The following RYR2 variants were observed in gnomAD, a reference collection of about 807,000 sequenced individuals.
RYR2 encodes ryanodine receptor 2.
A neutral mutation model predicts 601.1 loss-of-function variants in RYR2; 227 were observed. That is an observed-to-expected ratio of 0.38 (90% confidence interval 0.34 to 0.42). The LOEUF is 0.42. Among genes scored for constraint, RYR2 ranks in the 10% least tolerant of loss-of-function variants. RYR2 has a pLI of 1.00. For synonymous variants in RYR2, 2,223 were observed against 2,175.1 expected (o/e 1.02, Z -0.61); for missense variants, 4,646 against 6,156.5 (o/e 0.75, Z 8.21).
chr1:237,409,672 G>A (rs968359549), intron 10 of RYR2, among the ~76,000 whole-genome samples: 2 of 152,068 alleles, frequency 1.3e-5, no homozygotes, highest in Non-Finnish European at 2.9e-5. Context: ...GTATATCACA[G>A]AAATTCTATG....
chr1:237,750,077 C>T (rs1376657921), intron 80 of RYR2, among the ~76,000 whole-genome samples: 3 of 152,074 alleles, frequency 2.0e-5, no homozygotes, highest in South Asian at 2.1e-4. Context: ...ACCCAGGAGG[C>T]GGAGGTTGCA....
At chr1:237,597,293 T>G (rs1301911570) in intron 34 of RYR2, among the ~76,000 whole-genome samples, 2 of 140,316 alleles carry the variant, frequency 1.4e-5, no homozygotes, top group East Asian at 2.0e-4. Context: ...AAGTCCAGAG[T>G]ATTTTTTTTT....
At chr1:237,299,237 C>T (rs1693115575) in intron 2 of RYR2, among the ~76,000 whole-genome samples, 1 of 151,072 alleles carries the variant, frequency 6.6e-6, no homozygotes, top group African/African-American at 2.4e-5. Context: ...TTTCTTTTCC[C>T]TCTTCTTTAT....
At chr1:237,048,854 A>C (rs1412247188) in intron 1 of RYR2, among the ~76,000 whole-genome samples, 4 of 152,300 alleles carry the variant, frequency 2.6e-5, no homozygotes, top group South Asian at 4.1e-4. Flanking sequence ...TCGGGACAAG[A>C]GAAAGGATCC....
chr1:237,662,945 CTTA>C (rs1290981215), intron 56 of RYR2, among the ~76,000 whole-genome samples: 1 of 152,122 alleles, frequency 6.6e-6, no homozygotes, highest in Non-Finnish European at 1.5e-5. Flanking sequence ...AGTGTGAATT[CTTA>C]TTGTTACTAT....
intron 2 of RYR2, among the ~76,000 whole-genome samples, chr1:237,302,692 G>A (rs1330111775): frequency 6.6e-6 from 1 of 152,186 alleles, no homozygotes; most frequent in African/African-American, 2.4e-5. Context: ...GACAGACATG[G>A]AAGCCAGAAT....
intron 1 of RYR2, among the ~76,000 whole-genome samples, chr1:237,221,855 G>A (rs533941620): frequency 6.6e-6 from 1 of 152,216 alleles, no homozygotes; most frequent in African/African-American, 2.4e-5. Flanking sequence ...CCTAGGGAAG[G>A]CTGTGTTGGC....
chr1:237,103,524 A>G (rs538313096), intron 1 of RYR2, among the ~76,000 whole-genome samples: 1 of 152,274 alleles, frequency 6.6e-6, no homozygotes, highest in East Asian at 1.9e-4. Flanking sequence ...CCTTCTGACC[A>G]CCACCTTCCT....
At position 237,667,969 on chromosome 1, in the gene RYR2, C is replaced by G. The variant is rs553024989; in HGVS notation, c.8590+11C>G. 3 of 1,547,668 alleles carry G rather than the reference C, an allele frequency of 1.9e-6. No homozygotes were observed. The highest frequency in any genetic ancestry group is 1.7e-6 in the Non-Finnish European group (2 of 1,144,684). ...AGTTGGAGTCCAAAGGTAATATTTT[C>G]TAAAAACGTTTATTAAAAAATAATC... On this transcript the variant is annotated intron_variant, in intron 58 of 104. Transcript: ENST00000366574.
chr1:237,536,714 CAAAAAA>C (rs71561885), intron 25 of RYR2, among the ~76,000 whole-genome samples: 1 of 54,420 alleles, frequency 1.8e-5, no homozygotes, highest in African/African-American at 7.6e-5. Flanking sequence ...GATTCCGTCT[CAAAAAA>C]AAAAAAAAAA....
chr1:237,192,634 C>A (rs1216521701), intron 1 of RYR2, among the ~76,000 whole-genome samples: 1 of 152,168 alleles, frequency 6.6e-6, no homozygotes, highest in Admixed American at 6.5e-5. Context: ...AAGGCATTGC[C>A]TTTACACAGG....
rs1442886800 is a variant in RYR2 at position 237,828,543 on chromosome 1, G to A, written c.14655+98G>A. The A allele has an allele frequency of 1.7e-5, 13 of 778,896 alleles. 1 individual carries two copies. The highest frequency in any genetic ancestry group is 2.5e-5 in the Admixed American group (1 of 40,058). The allele number at this position is 778,896 out of a possible 1,614,324, so 48.2% of individuals were successfully genotyped here. A position where few individuals can be genotyped will look rare whatever the true frequency, so the allele number is the denominator to read the frequency against. On this transcript the variant is annotated intron_variant, in intron 102 of 104. Coordinates refer to ENST00000366574, the MANE Select transcript of RYR2 (RefSeq NM_001035.3). ...AGAATCATGAATGTGGGAAGGAGGA[G>A]GGGGAAGGGCACAACTTGTGGTTTC...
chr1:237,238,555 G>T (rs1273464284), intron 1 of RYR2, among the ~76,000 whole-genome samples: 2 of 152,154 alleles, frequency 1.3e-5, no homozygotes, highest in Non-Finnish European at 2.9e-5. Flanking sequence ...TACAGAGCTT[G>T]ACTCTGCTAA....
chr1:237,153,272 G>A (rs760894939), intron 1 of RYR2, among the ~76,000 whole-genome samples: 1 of 152,170 alleles, frequency 6.6e-6, no homozygotes, highest in African/African-American at 2.4e-5. Context: ...AAGAATTAAA[G>A]GTTTCTAGTG....
chr1:237,494,266 C>T (rs929025948), intron 19 of RYR2, among the ~76,000 whole-genome samples: 1 of 152,138 alleles, frequency 6.6e-6, no homozygotes, highest in South Asian at 2.1e-4. Context: ...GTGCAGCCTT[C>T]AGCCTGTGGC....
At chr1:237,611,472 A>C (rs554761039) in intron 36 of RYR2, among the ~76,000 whole-genome samples, 2 of 152,318 alleles carry the variant, frequency 1.3e-5, no homozygotes, top group Admixed American at 6.5e-5. Context: ...TCTTCGAAAC[A>C]AGTTTATATG....
At chr1:237,565,190 TC>T (rs1212496960) in intron 27 of RYR2, among the ~76,000 whole-genome samples, 11 of 87,992 alleles carry the variant, frequency 1.3e-4, no homozygotes, top group African/African-American at 4.0e-4. Context: ...TTTCTTTCTT[TC>T]TTTCTTTCTT....
Position 237,506,411 on chromosome 1 carries a change from A to G in RYR2, c.2614-299A>G, listed in dbSNP as rs370237467. On this transcript the variant is annotated intron_variant, in intron 22 of 104. Coordinates refer to ENST00000366574, the MANE Select transcript of RYR2 (RefSeq NM_001035.3). ...AAATTAGCCGGGCGTAGTGGTGGGC[A>G]CCTGCATTCCCAGCTACTCGGGAGG... Among the ~76,000 whole-genome samples, 1,492 of 152,094 alleles carry G rather than the reference A, an allele frequency of 9.8e-3. 29 individuals carry two copies. Among genetic ancestry groups the G allele is most frequent in the African/African-American group, 0.032 (1,338 of 41,478 alleles).
intron 39 of RYR2, 35 bp from the exon 40 acceptor site, chr1:237,625,626 A>G: frequency 6.2e-7 from 1 of 1,601,408 alleles, no homozygotes; most frequent in Non-Finnish European, 8.5e-7. Flanking sequence ...TATTCTTTAA[A>G]TATTTTTTTC....
Sources: gnomAD v4.1 joint callset for allele counts (sites outside exome capture counted in the v4.1 genomes callset) on GRCh38, gnomAD v4.1.1 for gene constraint, MANE v1.5 for transcripts, NCBI Gene and HGNC (gene_info 2026-07-23, HGNC 2026-07-21) for gene names.